Variants in EEFSEC observed in about 807,000 individuals in gnomAD.
EEFSEC encodes the protein selenocysteine-specific elongation factor.
Under a neutral mutation model 42.1 loss-of-function variants are expected in EEFSEC, and 43 were observed. The observed-to-expected ratio is 1.02, with a 90% CI of 0.80 to 1.32. The LOEUF is 1.32. Among genes scored for constraint, EEFSEC ranks in the 40% most tolerant of loss-of-function variants. EEFSEC has a pLI of 0.00. For missense variants in EEFSEC, 745 were observed against 803.6 expected (o/e 0.93, Z 0.88); for synonymous variants, 354 against 339.1 (o/e 1.04, Z -0.48).
At chr3:128,297,083 C>T (rs189760028) in intron 4 of EEFSEC, among the ~76,000 whole-genome samples, 32 of 152,086 alleles carry the variant, frequency 2.1e-4, no homozygotes, top group Non-Finnish European at 4.3e-4. Flanking sequence ...ATAGAGCTGG[C>T]CTCCGTCCTC....
intron 4 of EEFSEC, among the ~76,000 whole-genome samples, chr3:128,328,833 C>A (rs915699038): frequency 9.9e-5 from 15 of 152,156 alleles, no homozygotes; most frequent in Non-Finnish European, 2.2e-4. Context: ...ATTCCTTTTT[C>A]TTTGATCCAC....
chr3:128,157,942 T>C (rs145404161), intron 1 of EEFSEC, among the ~76,000 whole-genome samples: 35 of 152,330 alleles, frequency 2.3e-4, no homozygotes, highest in African/African-American at 7.9e-4. Flanking sequence ...ACAAAGTAAA[T>C]TGAAAACCTT....
chr3:128,310,651 G>C (rs1399660846), intron 4 of EEFSEC, among the ~76,000 whole-genome samples: 1 of 152,248 alleles, frequency 6.6e-6, no homozygotes, highest in Non-Finnish European at 1.5e-5. Flanking sequence ...GGTGGAGAAA[G>C]TGAAAGGCTT....
At chr3:128,218,359 A>G (rs753764286) in intron 1 of EEFSEC, among the ~76,000 whole-genome samples, 1 of 152,194 alleles carries the variant, frequency 6.6e-6, no homozygotes, top group Non-Finnish European at 1.5e-5. Context: ...CCAGAAAATA[A>G]TCAGCTCTAT....
Position 128,264,588 on chromosome 3 carries a change from G to A in EEFSEC, c.622-29G>A, listed in dbSNP as rs749823720. 10 of 1,609,536 alleles carry A rather than the reference G, an allele frequency of 6.2e-6. No homozygotes were observed. In the Admixed American group the frequency reaches 6.7e-5, roughly 11 times the overall value. On this transcript the variant is annotated intron_variant, in intron 3 of 6. Coordinates refer to ENST00000254730, the MANE Select transcript of EEFSEC (RefSeq NM_021937.5). ...TGCCCCATCTGGCTCCTCTCCCCAC[G>A]GACTGTGGCACCAGTTTCTCTTTTC...
Position 128,408,093 on chromosome 3 carries a change from A to C in EEFSEC, c.1625A>C (p.Lys542Thr), listed in dbSNP as rs752574037. ...GGTGGCCTCAGCCCCGAGTCCAAGAAGATCCTGACACCCGCCCTCAAGAAG... is the reference window on the plus strand; with the variant it reads ...GGTGGCCTCAGCCCCGAGTCCAAGACGATCCTGACACCCGCCCTCAAGAAG... ...IPGGLSPESK[K>T]ILTPALKKRA... is the part of the protein sequence containing the mutation. Residue 542 changes from lysine to threonine, a missense_variant, in exon 7 of 7, where the codon AAG becomes ACG. Lys to Thr is a moderately conservative substitution (Grantham distance 78). Coordinates refer to ENST00000254730, the MANE Select transcript of EEFSEC (RefSeq NM_021937.5). 6.3e-7 allele frequency: 1 copy of C among 1,591,636 alleles called. No individual in the cohort carries two copies. Among genetic ancestry groups the C allele is most frequent in the Non-Finnish European group, 8.6e-7 (1 of 1,168,908 alleles).
chr3:128,288,785 C>G (rs952578547), intron 4 of EEFSEC, among the ~76,000 whole-genome samples: 1 of 152,178 alleles, frequency 6.6e-6, no homozygotes, highest in African/African-American at 2.4e-5. Context: ...ATGCCAGAAC[C>G]AAAGGCCTGT....
chr3:128,312,784 T>C (rs1288283720), intron 4 of EEFSEC, among the ~76,000 whole-genome samples: 1 of 152,216 alleles, frequency 6.6e-6, no homozygotes, highest in Admixed American at 6.5e-5. Flanking sequence ...CTGCAATTTT[T>C]CTTTTCTCTT....
At chr3:128,388,296 C>T (rs11720784) in intron 6 of EEFSEC, among the ~76,000 whole-genome samples, 14,432 of 152,270 alleles carry the variant, frequency 0.095, 997 homozygotes, top group East Asian at 0.35. Context: ...AGCACTACCT[C>T]CTCTAGCTGC....
intron 6 of EEFSEC, among the ~76,000 whole-genome samples, chr3:128,394,864 G>T (rs530248633): frequency 6.6e-6 from 1 of 152,218 alleles, no homozygotes. Flanking sequence ...GCATATGGCT[G>T]TGTGGTCAGA....
At chr3:128,170,827 A>G (rs1371312626) in intron 1 of EEFSEC, among the ~76,000 whole-genome samples, 1 of 152,248 alleles carries the variant, frequency 6.6e-6, no homozygotes, top group Non-Finnish European at 1.5e-5. Flanking sequence ...AAAACTTGTT[A>G]TGGCAACCAA....
intron 1 of EEFSEC, among the ~76,000 whole-genome samples, chr3:128,230,215 T>C (rs953577070): frequency 1.4e-5 from 2 of 145,764 alleles, no homozygotes; most frequent in South Asian, 5.0e-4. Context: ...GGCACGATCA[T>C]AGCTCACTGC....
chr3:128,178,150 A>C (rs879816653), intron 1 of EEFSEC, among the ~76,000 whole-genome samples: 5 of 152,226 alleles, frequency 3.3e-5, no homozygotes, highest in Admixed American at 3.3e-4. Flanking sequence ...AAATGCATGA[A>C]CTAAGTAATT....
At chr3:128,366,970 G>A (rs2067597483) in intron 6 of EEFSEC, among the ~76,000 whole-genome samples, 1 of 152,178 alleles carries the variant, frequency 6.6e-6, no homozygotes, top group South Asian at 2.1e-4. Context: ...GAGCCTGGAA[G>A]TCCAAGATCA....
chr3:128,218,377 G>A (rs971750554), intron 1 of EEFSEC, among the ~76,000 whole-genome samples: 1 of 152,182 alleles, frequency 6.6e-6, no homozygotes, highest in Admixed American at 6.5e-5. Context: ...TATATCTTAA[G>A]TGCTTGATAG....
At chr3:128,377,293 C>T (rs58270951) in intron 6 of EEFSEC, among the ~76,000 whole-genome samples, 10,758 of 151,586 alleles carry the variant, frequency 0.071, 784 homozygotes, top group African/African-American at 0.19. Context: ...TCTGTGGTCT[C>T]CAAGGGAAGT....
At chr3:128,278,864 TAGAG>T (rs1177171914) in intron 4 of EEFSEC, among the ~76,000 whole-genome samples, 1 of 152,106 alleles carries the variant, frequency 6.6e-6, no homozygotes, top group Admixed American at 6.5e-5. Flanking sequence ...CTCCAGGTAA[TAGAG>T]AGGGCAGGCC....
intron 4 of EEFSEC, among the ~76,000 whole-genome samples, chr3:128,340,196 T>A (rs771000416): frequency 1.3e-5 from 2 of 152,170 alleles, no homozygotes; most frequent in Non-Finnish European, 2.9e-5. Flanking sequence ...TTTAGAGCTG[T>A]CTTTCTGTGG....
At chr3:128,273,220 C>T (rs1425090334) in intron 4 of EEFSEC, among the ~76,000 whole-genome samples, 1 of 152,210 alleles carries the variant, frequency 6.6e-6, no homozygotes, top group Non-Finnish European at 1.5e-5. Flanking sequence ...CCAAGAGCCT[C>T]TGTGAGGTCT....
Sources: allele counts gnomAD v4.1 joint callset (sites outside exome capture counted in the v4.1 genomes callset), GRCh38; gene constraint gnomAD v4.1.1; transcripts MANE v1.5; gene names NCBI Gene and HGNC (gene_info 2026-07-23, HGNC 2026-07-21).